The following CROCC2 variants were observed in gnomAD, a reference collection of about 807,000 sequenced individuals.
CROCC2 encodes ciliary rootlet coiled-coil protein 2.
A neutral mutation model predicts 177.6 loss-of-function variants in CROCC2; 163 were observed. The observed-to-expected ratio is 0.92, with a 90% CI of 0.81 to 1.05. The LOEUF (loss-of-function observed/expected upper bound fraction) is 1.05, where lower values mean the gene tolerates loss of function less well. Ranked by LOEUF, CROCC2 falls within the 50% of genes least tolerant of loss-of-function variation. The pLI, the probability that CROCC2 is intolerant of heterozygous loss-of-function variation, is 0.00. For synonymous variants in CROCC2, 904 were observed against 787.3 expected (o/e 1.15, Z -2.48); for missense variants, 1,929 against 1,797.8 (o/e 1.07, Z -1.32).
rs1179136253 is a variant in CROCC2 at position 240,973,021 on chromosome 2, C to T, written c.4401+4759C>T. 6.6e-6 allele frequency among the ~76,000 whole-genome samples: 1 copy of T among 152,136 alleles called. No homozygotes were observed. The highest frequency in any genetic ancestry group is 1.9e-4 in the East Asian group (1 of 5,170). Reference sequence around the variant, plus strand: ...TTGCTGAGCAGGGGGGTGCTAGGGTCCAGTAGGGCAGGCCTGGTGCCTCTC... The same window carrying T: ...TTGCTGAGCAGGGGGGTGCTAGGGTTCAGTAGGGCAGGCCTGGTGCCTCTC... On this transcript the variant is annotated intron_variant, in intron 27 of 31. Coordinates refer to ENST00000690015, the MANE Select transcript of CROCC2 (RefSeq NM_001351305.2). This position sits in a 1 kb window ranked among gnomAD's most constrained non-coding sequence, Gnocchi z 4.7.
At chr2:240,922,888 G>A (rs1375573297) in intron 4 of CROCC2, among the ~76,000 whole-genome samples, 2 of 152,112 alleles carry the variant, frequency 1.3e-5, no homozygotes, top group Admixed American at 6.5e-5. Context: ...CCTGCAGCGC[G>A]CTCCCTCTTG....
intron 21 of CROCC2, chr2:240,964,189 C>T: frequency 3.6e-6 from 2 of 551,136 alleles, no homozygotes; most frequent in Non-Finnish European, 3.3e-6. Flanking sequence ...GGATGTTGAG[C>T]GTCCGGGAGT....
chr2:240,959,188 C>T, intron 19 of CROCC2, 113 bp from the exon 20 acceptor site: 1 of 1,260,778 alleles, frequency 7.9e-7, no homozygotes, highest in Non-Finnish European at 1.1e-6. Flanking sequence ...CAGGACCCGG[C>T]TCCCCCTCCC....
Position 240,918,813 on chromosome 2 carries a change from AC to A in CROCC2, c.171del (p.Val58CysfsTer13). On this transcript the variant is annotated frameshift_variant, in exon 2 of 32. Coordinates refer to ENST00000690015, the MANE Select transcript of CROCC2 (RefSeq NM_001351305.2). LOFTEE classifies it high-confidence loss of function. This position sits in a 1 kb window ranked among gnomAD's most constrained non-coding sequence, Gnocchi z 6.3. ...TGGGGAAGGCCGGCAGGCCTCGCCC[AC>A]CCCCGTGCCCACCCGCATCCGTGAG... ...VRGEGRQASP[T>X]PVPTRIREIV... is the part of the protein sequence containing the mutation. The A allele has an allele frequency of 1.6e-6, 1 of 608,720 alleles. No homozygotes were observed. The highest frequency in any genetic ancestry group is 2.9e-5 in the Admixed American group (1 of 33,972). The allele number at this position is 608,720 out of a possible 1,614,324, so 37.7% of individuals were successfully genotyped here.
chr2:240,907,893 GGGGTGA>G (rs1292857559), intron 1 of CROCC2, among the ~76,000 whole-genome samples: 499 of 66,494 alleles, frequency 7.5e-3, no homozygotes, highest in Middle Eastern at 0.017. Context: ...TCCTCCACCT[GGGGTGA>G]GCTCTACCTC....
intron 27 of CROCC2, among the ~76,000 whole-genome samples, chr2:240,968,739 G>A (rs2059702074): frequency 6.6e-6 from 1 of 152,250 alleles, no homozygotes; most frequent in African/African-American, 2.4e-5. Context: ...TCTCAGGAAG[G>A]GCTGAAGTCA....
chr2:240,909,523 G>A (rs921438411), intron 1 of CROCC2, among the ~76,000 whole-genome samples: 5 of 152,346 alleles, frequency 3.3e-5, no homozygotes, highest in South Asian at 2.1e-4. Flanking sequence ...TCATCCCCTC[G>A]GATGTCAGGA....
intron 27 of CROCC2, among the ~76,000 whole-genome samples, chr2:240,980,074 G>A (rs1353162393): frequency 7.6e-5 from 5 of 66,170 alleles, no homozygotes; most frequent in African/African-American, 2.4e-4. Flanking sequence ...AGTCTCTGGG[G>A]TAGGAGCCTC....
intron 22 of CROCC2, 69 bp from the exon 23 acceptor site, chr2:240,965,312 A>C: frequency 1.3e-6 from 2 of 1,533,620 alleles, no homozygotes. Flanking sequence ...CGGAGGCAGG[A>C]GGCAGGGAGG....
chr2:240,944,591 T>TA (rs2059512790), intron 14 of CROCC2, among the ~76,000 whole-genome samples: 1 of 152,098 alleles, frequency 6.6e-6, no homozygotes, highest in Non-Finnish European at 1.5e-5. Flanking sequence ...TGCCATTGTC[T>TA]ATTAATTTTT....
chr2:240,968,134 C>A lies in CROCC2; in HGVS notation c.4273C>A (p.Arg1425Ser). ...CCACCCTGCTTGCCCCACAGGCCAG[C>A]GCCGGGTGGAGGGCGCGCTGAGCAG... ...KALAEAEEGQRRVEGALSSAR... is the reference protein window; with the variant it reads ...KALAEAEEGQSRVEGALSSAR... The change falls in exon 27 of 32, where the codon CGC becomes AGC. Residue 1425 changes from arginine (R) to serine (S), a missense_variant. Arg to Ser is a moderately radical substitution (Grantham distance 110). This residue lies in a region of CROCC2 where 388 missense variants were observed against 352.7 expected (regional missense o/e 1.10). Transcript: ENST00000690015. The A allele has an allele frequency of 6.8e-7, 1 of 1,481,174 alleles. No homozygotes were observed. The highest frequency in any genetic ancestry group is 8.9e-7 in the Non-Finnish European group (1 of 1,118,436). 91.8% of individuals were successfully genotyped at this position (1,481,174 alleles called of 1,614,324 possible). A position where few individuals can be genotyped will look rare whatever the true frequency, so the allele number is the denominator to read the frequency against.
intron 1 of CROCC2, among the ~76,000 whole-genome samples, chr2:240,909,200 G>C (rs1181030829): frequency 4.1e-5 from 5 of 123,098 alleles, no homozygotes; most frequent in South Asian, 2.9e-4. Context: ...CCTGGGGTGA[G>C]CTCTACCTCC....
intron 1 of CROCC2, among the ~76,000 whole-genome samples, chr2:240,914,548 G>A (rs985854458): frequency 1.3e-5 from 2 of 152,250 alleles, no homozygotes; most frequent in African/African-American, 4.8e-5. Flanking sequence ...GGCCACACGG[G>A]GGCACTGTTG....
intron 30 of CROCC2, 29 bp from the exon 31 acceptor site, chr2:240,991,167 C>T (rs1415043393): frequency 5.3e-6 from 8 of 1,513,096 alleles, no homozygotes; most frequent in Non-Finnish European, 4.5e-6. Context: ...AGCCTGCCCA[C>T]CTGACCTGAG....
At chr2:240,966,462 G>A (rs1323816659) in intron 25 of CROCC2, 53 bp downstream of exon 25, 2 of 399,174 alleles carry the variant, frequency 5.0e-6, no homozygotes, top group African/African-American at 4.1e-5. Flanking sequence ...GGGGGTCTCT[G>A]GGAAGAACAC....
chr2:240,930,949 G>A lies in CROCC2; in HGVS notation c.768G>A (p.Gln256=). ...CTCCCAGGGGCCTCGCTGACCTGCA[G>A]GCAGACACGGCCAGGACAGCCCGCC... The part of the protein sequence containing the change: ...VATERGLADL[Q]ADTARTARRL... Residue 256 remains glutamine, a synonymous_variant, in exon 7 of 32, where the codon CAG becomes CAA. Coordinates refer to ENST00000690015, the MANE Select transcript of CROCC2 (RefSeq NM_001351305.2). 1 of 713,892 alleles carries A rather than the reference G, an allele frequency of 1.4e-6. No individual in the cohort carries two copies. Among genetic ancestry groups the A allele is most frequent in the Non-Finnish European group, 2.6e-6 (1 of 383,894 alleles). 44.2% of individuals were successfully genotyped at this position (713,892 alleles called of 1,614,324 possible).
At chr2:240,965,582 C>T in intron 23 of CROCC2, 54 bp from the exon 24 acceptor site, 1 of 1,549,356 alleles carries the variant, frequency 6.5e-7, no homozygotes, top group South Asian at 1.2e-5. Flanking sequence ...GGGAGGAGGC[C>T]CACCCCACTT....
At position 240,955,917 on chromosome 2, in the gene CROCC2, G is replaced by A; in HGVS notation, c.2888G>A (p.Arg963Lys). ...CTGAGTGAGGAGCTCTCCAGGGCCA[G>A]GAGGACGCTAGAGCGGGTACAGCAG... ...SLLSEELSRA[R>K]RTLERVQQEA... Residue 963 changes from arginine (R) to lysine (K), a missense_variant, in exon 19 of 32, where the codon AGG (arginine) becomes AAG (lysine). By Grantham distance (26) the Arg-to-Lys change is conservative. Coordinates refer to ENST00000690015, the MANE Select transcript of CROCC2 (RefSeq NM_001351305.2). 2 of 1,534,978 alleles carry A rather than the reference G, an allele frequency of 1.3e-6. No individual in the cohort carries two copies. Among genetic ancestry groups the A allele is most frequent in the African/African-American group, 1.4e-5 (1 of 73,134 alleles).
At chr2:240,956,302 T>C (rs1352057542) in intron 19 of CROCC2, 5 of 355,160 alleles carry the variant, frequency 1.4e-5, no homozygotes, top group Non-Finnish European at 2.6e-5. Context: ...AGCCCATATG[T>C]GCACTGGAGC....
Sources: gnomAD v4.1 joint callset for allele counts (sites outside exome capture counted in the v4.1 genomes callset) on GRCh38, gnomAD v4.1.1 for gene constraint, gnomAD v4.1.1 regional missense constraint, Gnocchi (gnomAD v3.1) non-coding constraint, MANE v1.5 for transcripts, NCBI Gene and HGNC (gene_info 2026-07-23, HGNC 2026-07-21) for gene names.